The following EPN2 variants were observed in gnomAD, a reference collection of about 807,000 sequenced individuals.
EPN2 encodes the protein epsin 2.
EPN2 carries 34 observed loss-of-function variants against 61.7 expected under a neutral mutation model. That is an observed-to-expected ratio of 0.55 (90% CI 0.42 to 0.73). EPN2 has a LOEUF of 0.73. Ranked by LOEUF, EPN2 falls within the 30% of genes least tolerant of loss-of-function variation. The pLI is 0.00. For missense variants in EPN2, 714 were observed against 839.2 expected (o/e 0.85, Z 1.84); for synonymous variants, 349 against 353.6 (o/e 0.99, Z 0.15).
intron 4 of EPN2, among the ~76,000 whole-genome samples, chr17:19,287,021 A>T (rs2045411757): frequency 6.6e-6 from 1 of 152,046 alleles, no homozygotes; most frequent in South Asian, 2.1e-4. Context: ...TTGGTAACTG[A>T]CAAGGTCTGT....
chr17:19,311,482 A>C (rs899474644), intron 5 of EPN2, among the ~76,000 whole-genome samples: 1 of 151,932 alleles, frequency 6.6e-6, no homozygotes, highest in African/African-American at 2.4e-5. Flanking sequence ...AAAAAATACA[A>C]GGAATATATT....
chr17:19,252,568 G>A lies in EPN2; in HGVS notation c.-294+15037G>A, dbSNP rs151166742. Reference sequence around the variant, plus strand: ...TCAATACATATCTCTAACAGATAATGGACTCTTTATAAACTTATTTTTAAG... The same window carrying A: ...TCAATACATATCTCTAACAGATAATAGACTCTTTATAAACTTATTTTTAAG... On this transcript the variant is annotated intron_variant, in intron 1 of 10. Coordinates refer to ENST00000314728, the MANE Select transcript of EPN2 (RefSeq NM_014964.5). Among the ~76,000 whole-genome samples, 207 of 152,228 alleles carry A rather than the reference G, an allele frequency of 1.4e-3. 1 individual carries two copies. Among genetic ancestry groups the A allele is most frequent in the African/African-American group, 4.7e-3 (197 of 41,534 alleles).
intron 7 of EPN2, among the ~76,000 whole-genome samples, chr17:19,315,235 G>A (rs1403991934): frequency 6.6e-6 from 1 of 152,212 alleles, no homozygotes; most frequent in Non-Finnish European, 1.5e-5. Context: ...GCTGTGCCCT[G>A]GACCCAGTGT....
Position 19,283,717 on chromosome 17 carries a change from G to A in EPN2, c.595+3G>A, listed in dbSNP as rs201039615. The A allele has an allele frequency of 5.7e-5, 89 of 1,571,236 alleles. No individual in the cohort carries two copies. The African/African-American group carries it at 1.1e-3, about 20-fold the overall frequency. On this transcript the variant is annotated splice_donor_region_variant and intron_variant, in intron 3 of 10. Coordinates refer to ENST00000314728, the MANE Select transcript of EPN2 (RefSeq NM_014964.5). This position sits in a 1 kb window ranked among gnomAD's most constrained non-coding sequence, Gnocchi z 7.0. ...CTCCCCGGCCTCCTACCATGGCTGT[G>A]AGTAATGGAAGTGCTTCTCACCCTT...
At position 19,285,727 on chromosome 17, in the gene EPN2, C is replaced by G. The variant is rs1472701665; in HGVS notation, c.703C>G (p.Leu235Val). 6.2e-7 allele frequency: 1 copy of G among 1,607,952 alleles called. No homozygotes were observed. The highest frequency in any genetic ancestry group is 1.1e-5 in the South Asian group (1 of 89,902). ...CCACCCCTTCCTGCCGCACCTGGGG[C>G]TGGCCTCCCGCCCAAATGGCGACTG... ...QRHPFLPHLG[L>V]ASRPNGDWSQ... Residue 235 changes from leucine (L) to valine (V), a missense_variant, in exon 4 of 11, where the codon CTG becomes GTG. Leu to Val is a conservative substitution (Grantham distance 32, BLOSUM62 1). Coordinates refer to ENST00000314728, the MANE Select transcript of EPN2 (RefSeq NM_014964.5). This position sits in a 1 kb window ranked among gnomAD's most constrained non-coding sequence, Gnocchi z 4.5.
chr17:19,312,799 A>G (rs1024978996), intron 6 of EPN2: 18 of 319,656 alleles, frequency 5.6e-5, no homozygotes, highest in Non-Finnish European at 9.8e-5. Flanking sequence ...GGTGGGAGGG[A>G]TGGCGTTCTG....
chr17:19,260,780 G>T (rs1220962562), intron 1 of EPN2, among the ~76,000 whole-genome samples: 1 of 152,046 alleles, frequency 6.6e-6, no homozygotes, highest in Non-Finnish European at 1.5e-5. Flanking sequence ...GTAGCAGTTT[G>T]AATACCCTTC....
At chr17:19,260,437 T>C (rs1484409973) in intron 1 of EPN2, among the ~76,000 whole-genome samples, 1 of 152,104 alleles carries the variant, frequency 6.6e-6, no homozygotes, top group Non-Finnish European at 1.5e-5. Flanking sequence ...CGCGGGACGG[T>C]GCAGGGTCCC....
At chr17:19,277,869 G>A (rs943060305) in intron 1 of EPN2, among the ~76,000 whole-genome samples, 10 of 152,108 alleles carry the variant, frequency 6.6e-5, no homozygotes, top group African/African-American at 2.4e-4. Flanking sequence ...TCAGGAGATC[G>A]AGACCATCCT....
chr17:19,314,581 G>A (rs1336393410), intron 7 of EPN2, among the ~76,000 whole-genome samples: 1 of 152,180 alleles, frequency 6.6e-6, no homozygotes, highest in Non-Finnish European at 1.5e-5. Context: ...GTCAGCCCCC[G>A]ATGCCCTTTA....
intron 1 of EPN2, among the ~76,000 whole-genome samples, chr17:19,265,134 T>TA (rs1373452343): frequency 2.6e-5 from 4 of 152,058 alleles, no homozygotes; most frequent in African/African-American, 7.2e-5. Flanking sequence ...GGCTCACACT[T>TA]ACAATCTCAG....
At chr17:19,301,353 A>G (rs1351894314) in intron 4 of EPN2, among the ~76,000 whole-genome samples, 1 of 152,140 alleles carries the variant, frequency 6.6e-6, no homozygotes, top group Non-Finnish European at 1.5e-5. Context: ...TCTTCATCCT[A>G]CTTTACGGGG....
At chr17:19,258,735 C>G (rs889125382) in intron 1 of EPN2, among the ~76,000 whole-genome samples, 8 of 152,102 alleles carry the variant, frequency 5.3e-5, no homozygotes, top group Non-Finnish European at 1.0e-4. Flanking sequence ...GTGTGGACAG[C>G]GCGGTTTGTG....
At chr17:19,321,608 C>A (rs1906639536) in intron 7 of EPN2, among the ~76,000 whole-genome samples, 1 of 152,138 alleles carries the variant, frequency 6.6e-6, no homozygotes, top group African/African-American at 2.4e-5. Context: ...CGGGGCATGT[C>A]CCCTGACAGA....
chr17:19,242,161 C>T (rs1410893675), intron 1 of EPN2, among the ~76,000 whole-genome samples: 1 of 147,774 alleles, frequency 6.8e-6, no homozygotes, highest in Non-Finnish European at 1.5e-5. Flanking sequence ...CCTAGGCCAG[C>T]CACGGTGGCT....
intron 1 of EPN2, among the ~76,000 whole-genome samples, chr17:19,247,612 A>G (rs1184489648): frequency 6.6e-6 from 1 of 152,176 alleles, no homozygotes; most frequent in African/African-American, 2.4e-5. Context: ...TGACGGGTGG[A>G]TGCCTGCTGG....
Position 19,336,123 on chromosome 17 carries a change from C to G in EPN2, c.*1869C>G, listed in dbSNP as rs576677837. ...CACTCATGCTGTTCCTGAGGCCGCC[C>G]TCTCCAGTCCCAGGAGCCGTGTCTA... On this transcript the variant is annotated 3_prime_UTR_variant, in exon 11 of 11. Coordinates refer to ENST00000314728, the MANE Select transcript of EPN2 (RefSeq NM_014964.5). The G allele has an allele frequency of 2.6e-5, 4 of 152,378 alleles. No individual in the cohort carries two copies. Among genetic ancestry groups the G allele is most frequent in the Middle Eastern group, 3.4e-3 (1 of 294 alleles). 9.4% of individuals were successfully genotyped at this position (152,378 alleles called of 1,614,324 possible).
chr17:19,259,127 T>C (rs1244217422), intron 1 of EPN2, among the ~76,000 whole-genome samples: 2 of 152,174 alleles, frequency 1.3e-5, no homozygotes, highest in African/African-American at 4.8e-5. Flanking sequence ...GGCTGCTGAA[T>C]CAAGTCTTGG....
chr17:19,264,329 G>T (rs2045174061), intron 1 of EPN2, among the ~76,000 whole-genome samples: 1 of 152,176 alleles, frequency 6.6e-6, no homozygotes, highest in South Asian at 2.1e-4. Flanking sequence ...TTCCCCTCCT[G>T]TTGGGATGTC....
Sources: allele counts gnomAD v4.1 joint callset (sites outside exome capture counted in the v4.1 genomes callset), GRCh38; gene constraint gnomAD v4.1.1; non-coding constraint Gnocchi (gnomAD v3.1); transcripts MANE v1.5; gene names NCBI Gene and HGNC (gene_info 2026-07-23, HGNC 2026-07-21).